The following PHIP variants were observed in gnomAD, a reference collection of about 807,000 sequenced individuals.
The protein encoded by PHIP is PHIP subunit of CUL4-Ring ligase complex, also known as PH-interacting protein.
PHIP carries 54 observed loss-of-function variants against 236.8 expected under a neutral mutation model. That is an observed-to-expected ratio of 0.23 (90% CI 0.18 to 0.29). PHIP has a LOEUF of 0.29. PHIP is among the 10% of genes least tolerant of loss of function. The pLI, the probability that PHIP is intolerant of heterozygous loss-of-function variation, is 1.00. For synonymous variants in PHIP, 756 were observed against 718.9 expected (o/e 1.05, Z -0.83); for missense variants, 1,370 against 2,190.8 (o/e 0.63, Z 7.48).
At chr6:79,045,219 T>G (rs899452725) in intron 6 of PHIP, among the ~76,000 whole-genome samples, 1 of 152,064 alleles carries the variant, frequency 6.6e-6, no homozygotes, top group African/African-American at 2.4e-5. Flanking sequence ...AGAAAGAACA[T>G]ACGTAGATTC....
intron 22 of PHIP, 52 bp from the exon 23 acceptor site, chr6:78,983,169 C>T (rs1270118119): frequency 2.1e-6 from 2 of 940,378 alleles, no homozygotes; most frequent in South Asian, 4.1e-5. Flanking sequence ...AATTTTAAGA[C>T]TTGTTTTATA....
chr6:78,978,626 C>T lies in PHIP; in HGVS notation c.2855G>A (p.Arg952Gln), dbSNP rs1324418964. ...CATCTGTGGCACAAATGGACATCTT[C>T]GGGGAATGGTATCTGTAATCCATGT... is the stretch of plus-strand genomic sequence containing the variant. Reference protein sequence around the residue: ...PSTWITDTIPRRCPFVPQMGD... With the variant: ...PSTWITDTIPQRCPFVPQMGD... Residue 952 changes from arginine to glutamine, a missense_variant, in exon 24 of 40, where the codon CGA becomes CAA. Around this residue, in one of 14 missense-constraint regions of PHIP, gnomAD observed 238 missense variants for 398.5 expected, o/e 0.60. Transcript: ENST00000275034. 2 of 1,592,374 alleles carry T rather than the reference C, an allele frequency of 1.3e-6. No homozygotes were observed. Among genetic ancestry groups the T allele is most frequent in the Non-Finnish European group, 1.7e-6 (2 of 1,165,020 alleles).
At chr6:79,003,567 C>CAAGGA (rs1770127944) in intron 16 of PHIP, among the ~76,000 whole-genome samples, 163 bp downstream of exon 16, 1 of 151,956 alleles carries the variant, frequency 6.6e-6, no homozygotes, top group Non-Finnish European at 1.5e-5. Flanking sequence ...CTGCTGTCTT[C>CAAGGA]ACCTTCCTTT....
chr6:79,026,372 G>C (rs1449350699), intron 7 of PHIP, among the ~76,000 whole-genome samples: 2 of 151,902 alleles, frequency 1.3e-5, no homozygotes, highest in Non-Finnish European at 2.9e-5. Flanking sequence ...AATAAGACAA[G>C]TGGGATAAGA....
At chr6:78,985,824 A>C (rs1703514733) in intron 21 of PHIP, among the ~76,000 whole-genome samples, 1 of 152,208 alleles carries the variant, frequency 6.6e-6, no homozygotes, top group East Asian at 1.9e-4. Context: ...AGACTGTCTC[A>C]AAAATAATAA....
rs561585457 is a variant in PHIP, at chr6:78,986,314, T to C, written c.2461-886A>G. On this transcript the variant is annotated intron_variant, in intron 21 of 39. Coordinates refer to ENST00000275034, the MANE Select transcript of PHIP (RefSeq NM_017934.7). The stretch of plus-strand genomic sequence containing the variant: ...ATTATCTGTGAAAGCATTTTCTTCA[T>C]AAAATTGGGTTTTTTGATGGCAAAA... Among the ~76,000 whole-genome samples, 15 of 152,380 alleles carry C rather than the reference T, an allele frequency of 9.8e-5. No individual in the cohort carries two copies. In the South Asian group the frequency reaches 3.1e-3, roughly 32 times the overall value.
intron 3 of PHIP, 55 bp from the exon 4 acceptor site, chr6:79,077,562 C>G: frequency 9.4e-7 from 1 of 1,064,884 alleles, no homozygotes; most frequent in Non-Finnish European, 1.2e-6. Context: ...CCGCCCGCTC[C>G]CCTCCCCCGC....
chr6:78,987,046 A>C (rs1768912772), intron 21 of PHIP, among the ~76,000 whole-genome samples: 1 of 152,100 alleles, frequency 6.6e-6, no homozygotes. Context: ...CTGTGCCCAA[A>C]GTGATACTTT....
In PHIP at chr6:78,954,033, T is replaced by C. The variant is rs150425912; in HGVS notation, c.4053+781A>G. The stretch of plus-strand genomic sequence containing the variant: ...CCATGTATTCCATAAAGATTACACA[T>C]TGGCATAACCTAAATATATACAATA... On this transcript the variant is annotated intron_variant, in intron 35 of 39. Transcript: ENST00000275034. Among the ~76,000 whole-genome samples the C allele has an allele frequency of 7.1e-4, 108 of 152,338 alleles. 1 individual carries two copies. In the South Asian group the frequency reaches 8.1e-3, roughly 11 times the overall value.
intron 39 of PHIP, among the ~76,000 whole-genome samples, chr6:78,943,413 A>T (rs1486557114): frequency 1.3e-5 from 2 of 152,208 alleles, no homozygotes; most frequent in Non-Finnish European, 2.9e-5. Context: ...TATATATTTG[A>T]TTTCTCTAGG....
Position 78,941,297 on chromosome 6 carries a change from G to A in PHIP, c.4862C>T (p.Thr1621Ile), listed in dbSNP as rs748949309. The A allele has an allele frequency of 1.2e-6, 2 of 1,613,364 alleles. No homozygotes were observed. Among genetic ancestry groups the A allele is most frequent in the Non-Finnish European group, 1.7e-6 (2 of 1,179,470 alleles). Residue 1621 changes from threonine to isoleucine, a missense_variant, in exon 40 of 40, where the codon ACC becomes ATC. By Grantham distance (89) the Thr-to-Ile change is moderately conservative. Around this residue, in one of 14 missense-constraint regions of PHIP, gnomAD observed 309 missense variants for 328.3 expected, o/e 0.94. Transcript: ENST00000275034. The stretch of plus-strand genomic sequence containing the variant: ...TCCTCCATGGCCATTTACTTGAATG[G>A]TTCCTGGTACAAGAGCGTTGTTCTT... ...DCKNNALVPG[T>I]IQVNGHGGQP...
At chr6:79,040,406 A>G (rs1471450095) in intron 7 of PHIP, among the ~76,000 whole-genome samples, 2 of 152,154 alleles carry the variant, frequency 1.3e-5, no homozygotes, top group Non-Finnish European at 2.9e-5. Flanking sequence ...AAATATATAT[A>G]CACAAATATC....
At chr6:78,948,084 C>A (rs909576203) in intron 35 of PHIP, among the ~76,000 whole-genome samples, 7 of 152,070 alleles carry the variant, frequency 4.6e-5, no homozygotes, top group Non-Finnish European at 8.8e-5. Flanking sequence ...AAAAGCCCAG[C>A]TCTACAACCG....
rs542455674 is a variant in PHIP, at chr6:79,077,936, G to A, written c.41-23C>T. The A allele has an allele frequency of 7.4e-5, 118 of 1,593,274 alleles. 1 individual carries two copies. In the African/African-American group the frequency reaches 1.4e-3, roughly 19 times the overall value. On this transcript the variant is annotated intron_variant, in intron 1 of 39. Coordinates refer to ENST00000275034, the MANE Select transcript of PHIP (RefSeq NM_017934.7). Reference sequence around the variant, plus strand: ...GCTCTGCGCGGGAGAGAGGGACGGGGAGACACACAGGCTGAGCGGTCGGGC... The same window carrying A: ...GCTCTGCGCGGGAGAGAGGGACGGGAAGACACACAGGCTGAGCGGTCGGGC...
intron 6 of PHIP, among the ~76,000 whole-genome samples, chr6:79,046,251 AT>A (rs1772478628): frequency 6.6e-6 from 1 of 152,064 alleles, no homozygotes; most frequent in South Asian, 2.1e-4. Context: ...TTTTCCACAT[AT>A]GGCTAATTCC....
chr6:79,006,561 G>T (rs1340417325), intron 15 of PHIP, among the ~76,000 whole-genome samples: 14 of 151,838 alleles, frequency 9.2e-5, no homozygotes, highest in African/African-American at 3.1e-4. Context: ...AAAACGAAAA[G>T]AAAATACCCT....
intron 35 of PHIP, among the ~76,000 whole-genome samples, chr6:78,954,140 C>T (rs983846668): frequency 2.8e-4 from 42 of 152,234 alleles, no homozygotes; most frequent in Non-Finnish European, 4.6e-4. Flanking sequence ...CTTGCTCTGT[C>T]GCCCAGGCTG....
intron 35 of PHIP, among the ~76,000 whole-genome samples, chr6:78,949,061 C>T (rs928598970): frequency 7.9e-5 from 12 of 152,114 alleles, no homozygotes; most frequent in Non-Finnish European, 1.6e-4. Flanking sequence ...TTCAGTCATT[C>T]CTAATTCTTA....
chr6:78,990,283 A>G (rs1769143073), intron 20 of PHIP, among the ~76,000 whole-genome samples: 1 of 152,240 alleles, frequency 6.6e-6, no homozygotes, highest in South Asian at 2.1e-4. Flanking sequence ...AAAAAAGGAA[A>G]AAGCGATATT....
Sources: gnomAD v4.1 joint callset for allele counts (sites outside exome capture counted in the v4.1 genomes callset) on GRCh38, gnomAD v4.1.1 for gene constraint, gnomAD v4.1.1 regional missense constraint, MANE v1.5 for transcripts, NCBI Gene and HGNC (gene_info 2026-07-23, HGNC 2026-07-21) for gene names.